The following RBPJ variants were observed in gnomAD, a reference collection of about 807,000 sequenced individuals.
RBPJ encodes the protein recombination signal binding protein for immunoglobulin kappa J region, also known as recombining binding protein suppressor of hairless.
A neutral mutation model predicts 67.8 loss-of-function variants in RBPJ; 9 were observed. The observed-to-expected ratio is 0.13, with a 90% CI of 0.08 to 0.23. The LOEUF is 0.23. Ranked by LOEUF, RBPJ falls within the 10% of genes least tolerant of loss-of-function variation. The pLI is 1.00. For synonymous variants in RBPJ, 198 were observed against 203.3 expected (o/e 0.97, Z 0.22); for missense variants, 305 against 595.6 (o/e 0.51, Z 5.08).
At chr4:26,129,270 C>T in the RBPJ span, among the ~76,000 whole-genome samples, 91 of 152,284 alleles carry the variant, frequency 6.0e-4, no homozygotes, top group African/African-American at 2.1e-3. Flanking sequence ...AGTGATTTTT[C>T]CATCCTACCC....
At chr4:26,130,284 C>CA in the RBPJ span, among the ~76,000 whole-genome samples, 4 of 152,322 alleles carry the variant, frequency 2.6e-5, no homozygotes, top group South Asian at 8.3e-4. Flanking sequence ...ATAGATACAA[C>CA]ACAGGAGTTG....
intron 1 of RBPJ, among the ~76,000 whole-genome samples, chr4:26,331,160 G>A (rs545453728): frequency 6.6e-6 from 1 of 152,238 alleles, no homozygotes; most frequent in South Asian, 2.1e-4. Flanking sequence ...GAATGCAGTG[G>A]TGCTGTCATG....
At chr4:26,331,304 C>G (rs1447011053) in intron 1 of RBPJ, among the ~76,000 whole-genome samples, 2 of 152,070 alleles carry the variant, frequency 1.3e-5, no homozygotes, top group Non-Finnish European at 2.9e-5. Flanking sequence ...CCAGGCTGAT[C>G]TTAAACTTCT....
At chr4:26,119,760 GT>G in the RBPJ span, among the ~76,000 whole-genome samples, 1 of 152,210 alleles carries the variant, frequency 6.6e-6, no homozygotes, top group Admixed American at 6.5e-5. Context: ...CATTATCAGT[GT>G]AACGGCCTCA....
intron 1 of RBPJ, among the ~76,000 whole-genome samples, chr4:26,297,413 A>G (rs1409447308): frequency 6.6e-6 from 1 of 151,072 alleles, no homozygotes; most frequent in African/African-American, 2.4e-5. Context: ...TATGGGGGGG[A>G]TGTATAGGGA....
the RBPJ span, among the ~76,000 whole-genome samples, chr4:26,107,784 G>C: frequency 2.7e-3 from 415 of 152,304 alleles, 1 homozygote; most frequent in Middle Eastern, 0.014. Flanking sequence ...TGTAGTCCCA[G>C]CTATTTGGGA....
Position 26,208,412 on chromosome 4 carries a change from AAGGCTGATCCATTAAT to A in RBPJ, c.-167+44805_-167+44820del, listed in dbSNP as rs376913472. On this transcript the variant is annotated intron_variant, in intron 1 of 4. Transcript: ENST00000512351. ...TTGCACTCTCTCTAGTGCAGAAGAG[AAGGCTGATCCATTAAT>A]AGGCTGGCCAGGAACACATGAATAG... is the stretch of plus-strand genomic sequence containing the variant. Among the ~76,000 whole-genome samples the A allele has an allele frequency of 3.9e-3, 588 of 152,332 alleles. 5 individuals are homozygous for A. The highest frequency in any genetic ancestry group is 0.014 in the African/African-American group (572 of 41,578).
rs188205250 is a variant in RBPJ, at chr4:26,183,943, C to T, written c.-167+20329C>T. Among the ~76,000 whole-genome samples the T allele has an allele frequency of 2.0e-3, 297 of 152,102 alleles. 3 individuals are homozygous for T. The highest frequency in any genetic ancestry group is 6.3e-3 in the African/African-American group (261 of 41,508). On this transcript the variant is annotated intron_variant, in intron 1 of 4. Transcript: ENST00000512351. The stretch of plus-strand genomic sequence containing the variant: ...AGGAGAATCGCTTGAACCCAGGAGG[C>T]GGAGGTAGCAGTAAGCTGAGATCGC...
At chr4:26,316,402 C>CAT, upstream of RBPJ, among the ~76,000 whole-genome samples, 1 of 139,160 alleles carries the variant, frequency 7.2e-6, no homozygotes, top group South Asian at 2.3e-4. Flanking sequence ...TATATACATT[C>CAT]ATATATATAC....
intron 1 of RBPJ, among the ~76,000 whole-genome samples, chr4:26,171,891 G>C (rs377567421): frequency 2.0e-5 from 3 of 152,330 alleles, no homozygotes; most frequent in East Asian, 1.9e-4. Flanking sequence ...AGCAGGCTCG[G>C]GGTTTTGCAT....
chr4:26,387,726 C>T (rs1051139292), intron 2 of RBPJ, among the ~76,000 whole-genome samples: 2 of 152,070 alleles, frequency 1.3e-5, no homozygotes, highest in Non-Finnish European at 2.9e-5. Flanking sequence ...AAAACTACTC[C>T]GTGGTGGGGA....
chr4:26,149,566 G>C, the RBPJ span, among the ~76,000 whole-genome samples: 1 of 152,190 alleles, frequency 6.6e-6, no homozygotes, highest in Non-Finnish European at 1.5e-5. Context: ...CACATGAATA[G>C]ATTAATGTCA....
At chr4:26,247,450 G>C (rs948724983) in intron 1 of RBPJ, among the ~76,000 whole-genome samples, 4 of 151,370 alleles carry the variant, frequency 2.6e-5, no homozygotes, top group Non-Finnish European at 4.4e-5. Flanking sequence ...CGCTCTTGTT[G>C]CCCAGGCTGA....
At chr4:26,328,679 A>C (rs1239971388) in intron 1 of RBPJ, among the ~76,000 whole-genome samples, 1 of 152,164 alleles carries the variant, frequency 6.6e-6, no homozygotes. Flanking sequence ...CTCAGCCTGG[A>C]ATACAGTGGC....
intron 1 of RBPJ, among the ~76,000 whole-genome samples, chr4:26,202,772 G>A (rs1343991737): frequency 6.6e-6 from 1 of 151,942 alleles, no homozygotes; most frequent in African/African-American, 2.4e-5. Context: ...AGCTGGGCAT[G>A]GTGACACGCC....
At chr4:26,353,170 A>C (rs1276880423) in intron 1 of RBPJ, among the ~76,000 whole-genome samples, 1 of 152,204 alleles carries the variant, frequency 6.6e-6, no homozygotes, top group Non-Finnish European at 1.5e-5. Context: ...TTTAATCATG[A>C]AAGGTTTATT....
intron 1 of RBPJ, among the ~76,000 whole-genome samples, chr4:26,335,908 C>A (rs751711154): frequency 3.9e-5 from 6 of 152,166 alleles, no homozygotes; most frequent in Non-Finnish European, 7.3e-5. Context: ...CAGGCATGAG[C>A]CACCACGCCC....
chr4:26,255,141 A>C (rs1276089757), intron 1 of RBPJ, among the ~76,000 whole-genome samples: 4 of 146,236 alleles, frequency 2.7e-5, no homozygotes, highest in Non-Finnish European at 4.5e-5. Flanking sequence ...GTGGTGGCTC[A>C]CGCCTGTAAT....
chr4:26,386,415 T>C, intron 2 of RBPJ, 24 bp downstream of exon 2: 3 of 1,507,128 alleles, frequency 2.0e-6, no homozygotes, highest in Non-Finnish European at 2.7e-6. Context: ...TAGTCAGCTT[T>C]TTACACATAC....
Sources: allele counts gnomAD v4.1 joint callset (sites outside exome capture counted in the v4.1 genomes callset), GRCh38; gene constraint gnomAD v4.1.1; transcripts MANE v1.5; gene names NCBI Gene and HGNC (gene_info 2026-07-23, HGNC 2026-07-21).